IMPG1: variants seen among roughly 807,000 people sequenced by gnomAD.
The protein encoded by IMPG1 is interphotoreceptor matrix proteoglycan of 150 kDa.
Under a neutral mutation model 92.0 loss-of-function variants are expected in IMPG1, and 85 were observed. That is an observed-to-expected ratio of 0.92 (90% CI 0.78 to 1.11). The LOEUF (loss-of-function observed/expected upper bound fraction) is 1.11. Among genes scored for constraint, IMPG1 ranks in the 50% least tolerant of loss-of-function variants. IMPG1 has a pLI of 0.00. For synonymous variants in IMPG1, 367 were observed against 334.1 expected (o/e 1.10, Z -1.08); for missense variants, 1,022 against 956.0 (o/e 1.07, Z -0.91).
intron 2 of IMPG1, 70 bp from the exon 3 acceptor site, chr6:76,034,857 T>C: frequency 1.5e-6 from 2 of 1,331,588 alleles, no homozygotes; most frequent in Non-Finnish European, 2.1e-6. Context: ...CAAAGTCTAA[T>C]AACATGGAAA....
chr6:75,965,930 T>C (rs1035005714), intron 12 of IMPG1, among the ~76,000 whole-genome samples: 1 of 152,146 alleles, frequency 6.6e-6, no homozygotes, highest in African/African-American at 2.4e-5. Flanking sequence ...TTACCAGATA[T>C]ATGTTTGCAA....
chr6:76,011,512 A>G (rs965797621), intron 7 of IMPG1, among the ~76,000 whole-genome samples: 3 of 152,100 alleles, frequency 2.0e-5, no homozygotes, highest in Non-Finnish European at 4.4e-5. Context: ...TCTTACGGTT[A>G]CTTTAAATAA....
chr6:76,064,841 C>A (rs1414690079), intron 1 of IMPG1, among the ~76,000 whole-genome samples: 1 of 152,124 alleles, frequency 6.6e-6, no homozygotes, highest in East Asian at 1.9e-4. Flanking sequence ...ACTGCACAAC[C>A]TAATACACAA....
intron 15 of IMPG1, among the ~76,000 whole-genome samples, chr6:75,924,713 A>G (rs377335114): frequency 3.2e-4 from 3 of 9,448 alleles, no homozygotes; most frequent in African/African-American, 6.5e-4. Context: ...TATAATATAT[A>G]ATATATAATA....
chr6:76,068,416 A>AG (rs1346818042), intron 1 of IMPG1, among the ~76,000 whole-genome samples: 44 of 152,242 alleles, frequency 2.9e-4, no homozygotes, highest in African/African-American at 9.4e-4. Context: ...AGAGTTACAG[A>AG]ACACTGCTGA....
intron 8 of IMPG1, among the ~76,000 whole-genome samples, chr6:76,009,103 C>T (rs1346072501): frequency 3.9e-5 from 6 of 152,096 alleles, no homozygotes; most frequent in Admixed American, 3.9e-4. Flanking sequence ...CAATTTGTTG[C>T]CCTGTTGATA....
intron 12 of IMPG1, among the ~76,000 whole-genome samples, chr6:75,983,956 A>G (rs1312005170): frequency 1.3e-5 from 2 of 152,212 alleles, no homozygotes; most frequent in African/African-American, 4.8e-5. Flanking sequence ...GCCAACAGGT[A>G]TATGAAGAAC....
At chr6:76,044,961 T>C (rs1783911566) in intron 1 of IMPG1, among the ~76,000 whole-genome samples, 1 of 152,172 alleles carries the variant, frequency 6.6e-6, no homozygotes, top group African/African-American at 2.4e-5. Context: ...GCCCTGTTTC[T>C]CAGCACGTCC....
chr6:75,964,675 C>CA (rs75154439), intron 12 of IMPG1, among the ~76,000 whole-genome samples: 4,796 of 81,378 alleles, frequency 0.059, 203 homozygotes, highest in African/African-American at 0.093. Context: ...AGACTAGTCT[C>CA]AAAAAAAAAA....
rs376059792 is a variant in IMPG1 at position 75,997,976 on chromosome 6, C to T, written c.1291+4942G>A. Among the ~76,000 whole-genome samples, 133 of 152,226 alleles carry T rather than the reference C, an allele frequency of 8.7e-4. 1 individual carries two copies. The highest frequency in any genetic ancestry group is 3.0e-3 in the African/African-American group (124 of 41,532). On this transcript the variant is annotated intron_variant, in intron 12 of 16. Transcript: ENST00000369950. ...GGGGAAAACTTCACAGAGAAAGTAGCATGTTAGCTGAAACTAAAATATGAG... is the reference window on the plus strand; with the variant it reads ...GGGGAAAACTTCACAGAGAAAGTAGTATGTTAGCTGAAACTAAAATATGAG...
chr6:75,924,678 T>TATATATAATTAATTATATATATG (rs1554226532), intron 15 of IMPG1, among the ~76,000 whole-genome samples: 287 of 3,002 alleles, frequency 0.096, 85 homozygotes, highest in Non-Finnish European at 0.15. Context: ...AATTATATAT[T>TATATATAATTAATTATATATATG]ATATATTATA....
Position 76,040,151 on chromosome 6 carries a change from T to C in IMPG1, c.301+1742A>G, listed in dbSNP as rs1023380962. ...TATTACCTAGGGGCAGCCATAAAGA[T>C]AATGGACTGTCATTGCTGTGGGGAG... On this transcript the variant is annotated intron_variant, in intron 2 of 16. Coordinates refer to ENST00000369950, the MANE Select transcript of IMPG1 (RefSeq NM_001563.4). 3.9e-5 allele frequency among the ~76,000 whole-genome samples: 6 copies of C among 152,302 alleles called. No individual in the cohort carries two copies. In the East Asian group the frequency reaches 1.2e-3, roughly 29 times the overall value.
intron 4 of IMPG1, 145 bp downstream of exon 4, chr6:76,034,170 T>C: frequency 2.7e-6 from 2 of 728,516 alleles, no homozygotes; most frequent in African/African-American, 1.8e-5. Flanking sequence ...GTACATTATA[T>C]GCAGGAATTG....
At chr6:76,059,422 A>G (rs1405329763) in intron 1 of IMPG1, among the ~76,000 whole-genome samples, 1 of 152,056 alleles carries the variant, frequency 6.6e-6, no homozygotes, top group Non-Finnish European at 1.5e-5. Flanking sequence ...TAAGTGAAAA[A>G]TAGAAACCCT....
At position 76,049,189 on chromosome 6, in the gene IMPG1, C is replaced by T. The variant is rs574658457; in HGVS notation, c.68-7063G>A. 2.2e-4 allele frequency among the ~76,000 whole-genome samples: 33 copies of T among 152,164 alleles called. 1 individual carries two copies. Among genetic ancestry groups the T allele is most frequent in the South Asian group, 8.3e-4 (4 of 4,820 alleles). On this transcript the variant is annotated intron_variant, in intron 1 of 16. Coordinates refer to ENST00000369950, the MANE Select transcript of IMPG1 (RefSeq NM_001563.4). ...GGGAACAACACATGCTGGGGCCTATCAGAGAGTGGAGGGTGGTTGGAGGGA... is the reference window on the plus strand; with the variant it reads ...GGGAACAACACATGCTGGGGCCTATTAGAGAGTGGAGGGTGGTTGGAGGGA...
chr6:75,993,046 A>G (rs886671447), intron 12 of IMPG1, among the ~76,000 whole-genome samples: 1 of 152,022 alleles, frequency 6.6e-6, no homozygotes, highest in African/African-American at 2.4e-5. Flanking sequence ...AAGGAAATAG[A>G]TGGGAAGTGT....
rs1459299950 is a variant in IMPG1, at chr6:75,924,623, ATAAAT to A, written c.2244-922_2244-918del. ...TATAATTAATTATATATAATATATA[ATAAAT>A]TATATATTATATATAATTAATTATA... is the stretch of plus-strand genomic sequence containing the variant. On this transcript the variant is annotated intron_variant, in intron 15 of 16. Coordinates refer to ENST00000369950, the MANE Select transcript of IMPG1 (RefSeq NM_001563.4). Among the ~76,000 whole-genome samples the A allele has an allele frequency of 5.0e-3, 138 of 27,544 alleles. 11 individuals carry two copies. Among genetic ancestry groups the A allele is most frequent in the African/African-American group, 0.015 (133 of 8,584 alleles). 18.1% of individuals were successfully genotyped at this position (27,544 alleles called of 152,430 possible). A position where few individuals can be genotyped will look rare whatever the true frequency, so the allele number is the denominator to read the frequency against.
At chr6:75,990,847 A>G (rs1331676120) in intron 12 of IMPG1, among the ~76,000 whole-genome samples, 2 of 152,124 alleles carry the variant, frequency 1.3e-5, no homozygotes, top group Admixed American at 6.5e-5. Flanking sequence ...TATTCACAGG[A>G]GTTTCTATCC....
intron 12 of IMPG1, among the ~76,000 whole-genome samples, chr6:75,971,971 A>G (rs940975430): frequency 3.3e-5 from 5 of 152,128 alleles, no homozygotes; most frequent in Non-Finnish European, 7.4e-5. Context: ...TTCCTCATTA[A>G]TTAGTTTATT....
Sources: gnomAD v4.1 joint callset for allele counts (sites outside exome capture counted in the v4.1 genomes callset) on GRCh38, gnomAD v4.1.1 for gene constraint, MANE v1.5 for transcripts, NCBI Gene and HGNC (gene_info 2026-07-23, HGNC 2026-07-21) for gene names.